RERE: variants seen among roughly 807,000 people sequenced by gnomAD.
RERE encodes the protein arginine-glutamic acid dipeptide repeats.
Under a neutral mutation model 146.1 loss-of-function variants are expected in RERE, and 40 were observed. The observed-to-expected ratio is 0.27, with a 90% CI of 0.21 to 0.36. The LOEUF (loss-of-function observed/expected upper bound fraction) is 0.36, where lower values mean the gene tolerates loss of function less well. Among genes scored for constraint, RERE ranks in the 10% least tolerant of loss-of-function variants. RERE has a pLI of 1.00. For synonymous variants in RERE, 1,003 were observed against 866.0 expected, an observed-to-expected ratio of 1.16 and a Z score of -2.78; for missense variants, 1,933 against 2,138.7, an observed-to-expected ratio of 0.90 and a Z score of 1.90.
In RERE at chr1:8,659,514, G is replaced by C. The variant is rs148308570; in HGVS notation, c.-144-3073C>G. ...GGAGGTTGCAATGAGCCAAGATTGT[G>C]CCATGGCACTCCAGCCTGGGAGACA... On this transcript the variant is annotated intron_variant, in intron 1 of 22. Transcript: ENST00000400908. Among the ~76,000 whole-genome samples the C allele has an allele frequency of 1.5e-3, 234 of 152,346 alleles. 4 individuals carry two copies. The highest frequency in any genetic ancestry group is 5.3e-3 in the African/African-American group (221 of 41,578).
At chr1:8,646,514 A>G (rs1348681032) in intron 2 of RERE, among the ~76,000 whole-genome samples, 1 of 151,838 alleles carries the variant, frequency 6.6e-6, no homozygotes, top group Non-Finnish European at 1.5e-5. Context: ...TCTGGACAAC[A>G]GAGTGAGACC....
At position 8,366,599 on chromosome 1, in the gene RERE, T is replaced by C. The variant is rs140765266; in HGVS notation, c.1285-625A>G. ...CTGGCTCCATCTGAAGGCCCACATCTGACATGCCGGCACGACGTCCAGAGG... is the reference window on the plus strand; with the variant it reads ...CTGGCTCCATCTGAAGGCCCACATCCGACATGCCGGCACGACGTCCAGAGG... On this transcript the variant is annotated intron_variant, in intron 12 of 22. Transcript: ENST00000400908. Among the ~76,000 whole-genome samples the C allele has an allele frequency of 1.0e-3, 153 of 152,130 alleles. 1 individual carries two copies. In the East Asian group the frequency reaches 0.027, roughly 27 times the overall value.
At chr1:8,650,483 T>C (rs1033471025) in intron 2 of RERE, among the ~76,000 whole-genome samples, 5 of 152,160 alleles carry the variant, frequency 3.3e-5, no homozygotes, top group Non-Finnish European at 7.4e-5. Flanking sequence ...ATCTATTCAC[T>C]TGGAAGCGGT....
At chr1:8,513,450 C>A (rs1437443426) in intron 7 of RERE, among the ~76,000 whole-genome samples, 1 of 152,170 alleles carries the variant, frequency 6.6e-6, no homozygotes, top group East Asian at 1.9e-4. Flanking sequence ...GAAGATAATA[C>A]AGCCTAACAC....
intron 1 of RERE, among the ~76,000 whole-genome samples, chr1:8,716,825 A>G (rs1359388479): frequency 1.3e-5 from 2 of 152,152 alleles, no homozygotes; most frequent in African/African-American, 4.8e-5. Flanking sequence ...AAAGGAATAA[A>G]AAAAAACCTA....
intron 7 of RERE, among the ~76,000 whole-genome samples, chr1:8,530,536 A>T (rs917732582): frequency 2.0e-5 from 3 of 152,166 alleles, no homozygotes; most frequent in Non-Finnish European, 4.4e-5. Context: ...ACACTCAGGA[A>T]ATTCTAGAGA....
chr1:8,555,611 C>CA (rs879480178), intron 6 of RERE, among the ~76,000 whole-genome samples: 10 of 150,412 alleles, frequency 6.6e-5, no homozygotes, highest in East Asian at 3.9e-4. Context: ...CAGTACTTAA[C>CA]AAAAAAAAAG....
intron 12 of RERE, 46 bp downstream of exon 12, chr1:8,422,681 A>G: frequency 7.3e-7 from 1 of 1,369,588 alleles, no homozygotes; most frequent in Non-Finnish European, 1.0e-6. Flanking sequence ...AGGCAGCAGG[A>G]GCAAAGAGGA....
chr1:8,680,878 A>G (rs74456891), intron 1 of RERE, among the ~76,000 whole-genome samples: 1,901 of 152,306 alleles, frequency 0.012, 37 homozygotes, highest in African/African-American at 0.044. Context: ...ACAGGTAAAC[A>G]TACAAAGGAC....
chr1:8,502,449 G>A (rs1238349919), intron 8 of RERE, among the ~76,000 whole-genome samples: 5 of 116,158 alleles, frequency 4.3e-5, no homozygotes, highest in East Asian at 2.9e-4. Context: ...CAGCCGCCCC[G>A]TCCGGGAGGG....
At chr1:8,508,499 A>C in intron 8 of RERE, 128 bp downstream of exon 8, 2 of 703,102 alleles carry the variant, frequency 2.8e-6, no homozygotes, top group South Asian at 1.8e-5. Context: ...TGGAAAAAAA[A>C]CCTCTGTATT....
chr1:8,429,061 GAA>G (rs1015718183), intron 11 of RERE, among the ~76,000 whole-genome samples: 3 of 152,110 alleles, frequency 2.0e-5, no homozygotes, highest in Non-Finnish European at 4.4e-5. Context: ...GAAAGGCAGG[GAA>G]ACACCACCCT....
chr1:8,750,574 T>C, intron 1 of RERE: 1 of 1,010,352 alleles, frequency 9.9e-7, no homozygotes. Context: ...GGAAGAAGCT[T>C]ATTTATGAAA....
At chr1:8,367,007 C>T (rs1255166141) in intron 12 of RERE, among the ~76,000 whole-genome samples, 3 of 149,640 alleles carry the variant, frequency 2.0e-5, no homozygotes, top group African/African-American at 7.4e-5. Context: ...ATTAAATCAA[C>T]ACTGTAGAAA....
At chr1:8,490,032 C>T (rs573111663) in intron 10 of RERE, among the ~76,000 whole-genome samples, 13 of 138,888 alleles carry the variant, frequency 9.4e-5, no homozygotes, top group Admixed American at 1.6e-4. Context: ...CTAGCCTGGG[C>T]GACAGAGCGA....
intron 12 of RERE, among the ~76,000 whole-genome samples, chr1:8,375,680 GTTTC>G: frequency 1.5e-5 from 2 of 130,052 alleles, no homozygotes; most frequent in African/African-American, 2.9e-5. Context: ...CACTGAAAAT[GTTTC>G]CTCACTCAGC....
intron 12 of RERE, among the ~76,000 whole-genome samples, chr1:8,389,685 G>A (rs922289718): frequency 3.9e-5 from 6 of 152,170 alleles, no homozygotes; most frequent in Admixed American, 2.0e-4. Context: ...AGGAGAAGTC[G>A]GGGAGCCACC....
At chr1:8,570,174 T>C (rs1646202383) in intron 4 of RERE, among the ~76,000 whole-genome samples, 1 of 151,806 alleles carries the variant, frequency 6.6e-6, no homozygotes, top group Admixed American at 6.6e-5. Flanking sequence ...CCGTCTCTAC[T>C]AAAAATACAA....
intron 1 of RERE, among the ~76,000 whole-genome samples, chr1:8,720,188 G>T (rs1049323232): frequency 6.6e-6 from 1 of 150,948 alleles, no homozygotes; most frequent in African/African-American, 2.4e-5. Context: ...CAGGAGAATC[G>T]CTTGAACCCA....
Sources: allele counts gnomAD v4.1 joint callset (sites outside exome capture counted in the v4.1 genomes callset), GRCh38; gene constraint gnomAD v4.1.1; transcripts MANE v1.5; gene names NCBI Gene and HGNC (gene_info 2026-07-23, HGNC 2026-07-21).